The following KLHL7 variants were observed in gnomAD, a reference collection of about 807,000 sequenced individuals.
The protein encoded by KLHL7 is kelch like family member 7, also known as kelch-like protein 7.
KLHL7 carries 44 observed loss-of-function variants against 67.4 expected under a neutral mutation model. The observed-to-expected ratio is 0.65, with a 90% CI of 0.51 to 0.84. KLHL7 has a LOEUF of 0.84. Ranked by LOEUF, KLHL7 falls within the 40% of genes least tolerant of loss-of-function variation. The pLI is 0.00. For synonymous variants in KLHL7, 252 were observed against 243.3 expected, an observed-to-expected ratio of 1.04 and a Z score of -0.33; for missense variants, 362 against 718.1, an observed-to-expected ratio of 0.50 and a Z score of 5.67.
intron 6 of KLHL7, among the ~76,000 whole-genome samples, chr7:23,151,163 T>TGTTTGTTTTG (rs369381084): frequency 0.43 from 63,536 of 146,168 alleles, 15,641 homozygotes; most frequent in African/African-American, 0.69. Flanking sequence ...TTTTGTTTTT[T>TGTTTGTTTTG]TTTTTTTCTT....
chr7:23,151,166 T>G (rs374568030), intron 6 of KLHL7, among the ~76,000 whole-genome samples: 1,879 of 149,670 alleles, frequency 0.013, 49 homozygotes, highest in African/African-American at 0.044. Context: ...TGTTTTTTTT[T>G]TTTTCTTTTC....
chr7:23,137,431 C>T (rs189695460), intron 4 of KLHL7, among the ~76,000 whole-genome samples: 1 of 150,872 alleles, frequency 6.6e-6, no homozygotes, highest in East Asian at 1.9e-4. Flanking sequence ...CAAAGAACAG[C>T]ATCAAGAATT....
In KLHL7 at chr7:23,175,025, A is replaced by G. The variant is rs769380308; in HGVS notation, c.*727A>G. ...GGTTAAAAAAGGATTCTGCCTCTTT[A>G]GTCCTCACTGTTAAATAAAACCCAA... On this transcript the variant is annotated 3_prime_UTR_variant, in exon 11 of 11. Coordinates refer to ENST00000339077, the MANE Select transcript of KLHL7 (RefSeq NM_001031710.3). 2.2e-6 allele frequency: 1 copy of G among 451,810 alleles called. No individual in the cohort carries two copies. The highest frequency in any genetic ancestry group is 4.4e-6 in the Non-Finnish European group (1 of 225,626). 28.0% of individuals were successfully genotyped at this position (451,810 alleles called of 1,614,324 possible).
At position 23,105,786 on chromosome 7, in the gene KLHL7, G is replaced by A. The variant is rs1419407647; in HGVS notation, c.-241G>A. On this transcript the variant is annotated 5_prime_UTR_variant, in exon 1 of 11. Coordinates refer to ENST00000339077, the MANE Select transcript of KLHL7 (RefSeq NM_001031710.3). The stretch of plus-strand genomic sequence containing the variant: ...TGCGCAGGCTCCTGGGCAGGGCTCG[G>A]GTTCTGCCCGGGGACGCAGCCCAGT... The A allele has an allele frequency of 7.3e-6, 4 of 548,826 alleles. No individual in the cohort carries two copies. The highest frequency in any genetic ancestry group is 3.3e-5 in the East Asian group (1 of 30,076). The allele number at this position is 548,826 out of a possible 1,614,324, so 34.0% of individuals were successfully genotyped here.
intron 6 of KLHL7, among the ~76,000 whole-genome samples, chr7:23,151,475 T>A (rs1240581437): frequency 6.6e-6 from 1 of 152,190 alleles, no homozygotes; most frequent in Non-Finnish European, 1.5e-5. Context: ...TTTATGTACA[T>A]CCTAATTACC....
rs1369896065 is a variant in KLHL7, at chr7:23,123,848, A to C, written c.192A>C (p.Ala64=). The change falls in exon 2 of 11, where the codon GCA becomes GCC. Residue 64 remains alanine, a synonymous_variant. Transcript: ENST00000339077. ...KIPAHRVVLA[A]ASHFFNLMFT... is the part of the protein sequence containing the mutation. ...CTGCTCATCGTGTTGTTCTTGCTGCAGCCAGTCATTTTTTTAACTTAATGT... is the reference window on the plus strand; with the variant it reads ...CTGCTCATCGTGTTGTTCTTGCTGCCGCCAGTCATTTTTTTAACTTAATGT... 6.2e-7 allele frequency: 1 copy of C among 1,613,378 alleles called. No homozygotes were observed. The highest frequency in any genetic ancestry group is 1.1e-5 in the South Asian group (1 of 91,058).
intron 6 of KLHL7, among the ~76,000 whole-genome samples, chr7:23,150,151 C>G (rs1250498138): frequency 6.6e-6 from 1 of 151,982 alleles, no homozygotes; most frequent in African/African-American, 2.4e-5. Flanking sequence ...GAGCAAGACC[C>G]TGGCTCTAGA....
intron 10 of KLHL7, 39 bp from the exon 11 acceptor site, chr7:23,173,974 GAT>G: frequency 6.3e-7 from 1 of 1,584,110 alleles, no homozygotes; most frequent in South Asian, 1.1e-5. Context: ...TAGAATTGTT[GAT>G]ATAGTTTTTC....
intron 1 of KLHL7, among the ~76,000 whole-genome samples, chr7:23,110,857 C>A (rs1350040140): frequency 6.8e-6 from 1 of 146,700 alleles, no homozygotes; most frequent in Non-Finnish European, 1.5e-5. Context: ...TGAGTGAGAA[C>A]ATGCGGTTCA....
At chr7:23,155,023 A>G (rs1330353682) in intron 7 of KLHL7, among the ~76,000 whole-genome samples, 1 of 152,180 alleles carries the variant, frequency 6.6e-6, no homozygotes, top group Non-Finnish European at 1.5e-5. Flanking sequence ...CACCTCCCCA[A>G]GGAGGGAAGG....
chr7:23,123,757 T>C lies in KLHL7; in HGVS notation c.121-20T>C. 4 of 1,552,066 alleles carry C rather than the reference T, an allele frequency of 2.6e-6. No homozygotes were observed. The highest frequency in any genetic ancestry group is 3.6e-6 in the Non-Finnish European group (4 of 1,123,932). The stretch of plus-strand genomic sequence containing the variant: ...GGCTAGTGAGCCTCTTTTTATTTTA[T>C]GTATTTTTCCTTTGATTAGAAAACG... On this transcript the variant is annotated intron_variant, in intron 1 of 10. Transcript: ENST00000339077.
At chr7:23,113,280 T>G (rs1782950849) in intron 1 of KLHL7, among the ~76,000 whole-genome samples, 1 of 152,224 alleles carries the variant, frequency 6.6e-6, no homozygotes, top group Admixed American at 6.5e-5. Flanking sequence ...TGTTATGAAC[T>G]TACGTTGAAT....
intron 6 of KLHL7, among the ~76,000 whole-genome samples, chr7:23,151,157 GT>G (rs1378700987): frequency 7.0e-4 from 35 of 50,068 alleles, no homozygotes; most frequent in South Asian, 3.4e-3. Context: ...GGCCTGTTTT[GT>G]TTTTTTTTTT....
intron 1 of KLHL7, among the ~76,000 whole-genome samples, chr7:23,120,425 GTTGTAC>G (rs1304219821): frequency 5.9e-5 from 9 of 152,246 alleles, no homozygotes; most frequent in East Asian, 3.9e-4. Context: ...ACAAATAATA[GTTGTAC>G]TTATACGGAA....
At chr7:23,165,667 A>G in intron 7 of KLHL7, 31 bp from the exon 8 acceptor site, 1 of 1,613,428 alleles carries the variant, frequency 6.2e-7, no homozygotes, top group Non-Finnish European at 8.5e-7. Context: ...TTTTTTCCTT[A>G]CTGAAAGCTT....
In KLHL7 at chr7:23,174,188, G is replaced by A. The variant is rs1785240182; in HGVS notation, c.1651G>A (p.Glu551Lys). ...RLGHILEYNT[E>K]TDKWVANSKV... is the part of the protein sequence containing the mutation. ...AGGACACATTCTCGAATATAATACCGAAACAGACAAATGGGTTGCCAACTC... is the reference window on the plus strand; with the variant it reads ...AGGACACATTCTCGAATATAATACCAAAACAGACAAATGGGTTGCCAACTC... Residue 551 changes from glutamate to lysine, a missense_variant, in exon 11 of 11, where the codon GAA (glutamate) becomes AAA (lysine). Glu to Lys is a moderately conservative substitution (Grantham distance 56). Transcript: ENST00000339077. The A allele has an allele frequency of 4.3e-6, 7 of 1,614,098 alleles. No individual in the cohort carries two copies. The highest frequency in any genetic ancestry group is 5.1e-6 in the Non-Finnish European group (6 of 1,180,002).
At chr7:23,109,289 C>T (rs987102904) in intron 1 of KLHL7, among the ~76,000 whole-genome samples, 1 of 152,162 alleles carries the variant, frequency 6.6e-6, no homozygotes, top group Non-Finnish European at 1.5e-5. Context: ...TCATTTATTT[C>T]TTTAACTTTT....
At chr7:23,149,685 C>A (rs1042041331) in intron 6 of KLHL7, among the ~76,000 whole-genome samples, 2 of 152,172 alleles carry the variant, frequency 1.3e-5, no homozygotes, top group Non-Finnish European at 2.9e-5. Context: ...TGATTTTTTA[C>A]AATTGTAAAG....
rs561213213 is a variant in KLHL7 at position 23,175,725 on chromosome 7, C to T, written c.*1427C>T. On this transcript the variant is annotated 3_prime_UTR_variant, in exon 11 of 11. Transcript: ENST00000339077. ...CCTGTAATCCCAGCACTTTGGGAGGCCAAGGTGGGTAGATCATTTGAGGTC... is the reference window on the plus strand; with the variant it reads ...CCTGTAATCCCAGCACTTTGGGAGGTCAAGGTGGGTAGATCATTTGAGGTC... 19 of 195,744 alleles carry T rather than the reference C, an allele frequency of 9.7e-5. No homozygotes were observed. In the East Asian group the frequency reaches 2.6e-3, roughly 27 times the overall value. 12.1% of individuals were successfully genotyped at this position (195,744 alleles called of 1,614,324 possible). A position where few individuals can be genotyped will look rare whatever the true frequency, so the allele number is the denominator to read the frequency against.
Sources: gnomAD v4.1 joint callset for allele counts (sites outside exome capture counted in the v4.1 genomes callset) on GRCh38, gnomAD v4.1.1 for gene constraint, MANE v1.5 for transcripts, NCBI Gene and HGNC (gene_info 2026-07-23, HGNC 2026-07-21) for gene names.